DPP4: variants seen among roughly 807,000 people sequenced by gnomAD.
The protein encoded by DPP4 is ADCP-2.
DPP4 carries 93 observed loss-of-function variants against 122.4 expected under a neutral mutation model. The ratio of observed to expected loss-of-function variants is 0.76; its 90% CI spans 0.64 to 0.90. The LOEUF is 0.90. Among genes scored for constraint, DPP4 ranks in the 40% least tolerant of loss-of-function variants. The probability of loss-of-function intolerance (pLI) is 0.00; values close to 1 mark genes in which losing one functional copy is unlikely to be tolerated. For synonymous variants in DPP4, 321 were observed against 302.9 expected (o/e 1.06, Z -0.62); for missense variants, 914 against 907.3 (o/e 1.01, Z -0.09).
intron 5 of DPP4, 75 bp downstream of exon 5, chr2:162,045,457 T>C (rs1684138001): frequency 4.6e-6 from 5 of 1,077,772 alleles, no homozygotes; most frequent in Non-Finnish European, 7.1e-6. Context: ...TAAGTATCCA[T>C]ACACTTGAAA....
At chr2:161,994,739 G>T (rs1235925295) in intron 25 of DPP4, among the ~76,000 whole-genome samples, 2 of 152,120 alleles carry the variant, frequency 1.3e-5, no homozygotes, top group East Asian at 1.9e-4. Context: ...GATACTCCCA[G>T]CATATGCGAT....
chr2:162,013,630 G>A (rs1263043307), intron 19 of DPP4, among the ~76,000 whole-genome samples: 1 of 151,950 alleles, frequency 6.6e-6, no homozygotes. Context: ...TTTGTTGTGT[G>A]AATAAAATAA....
At chr2:162,011,731 A>T (rs1351922617) in intron 20 of DPP4, 62 bp downstream of exon 20, 1 of 1,519,582 alleles carries the variant, frequency 6.6e-7, no homozygotes, top group East Asian at 2.3e-5. Flanking sequence ...CAGCTTTAAA[A>T]TGTAAATTTT....
intron 2 of DPP4, among the ~76,000 whole-genome samples, chr2:162,061,213 TC>T (rs1684761215): frequency 6.6e-6 from 1 of 152,128 alleles, no homozygotes; most frequent in African/African-American, 2.4e-5. Context: ...AGCTGCATCT[TC>T]AGTTTCTTTC....
chr2:162,052,318 CAAAAAAAA>C (rs35326408), intron 2 of DPP4, among the ~76,000 whole-genome samples: 2 of 64,762 alleles, frequency 3.1e-5, no homozygotes, highest in African/African-American at 6.5e-5. Flanking sequence ...AACTCCATCT[CAAAAAAAA>C]AAAAAAAAAA....
At chr2:162,057,875 C>A (rs117407192) in intron 2 of DPP4, among the ~76,000 whole-genome samples, 4 of 152,112 alleles carry the variant, frequency 2.6e-5, no homozygotes, top group African/African-American at 9.7e-5. Context: ...CAGGTTCAAG[C>A]GATTTTTCTG....
intron 23 of DPP4, among the ~76,000 whole-genome samples, chr2:161,999,887 A>G (rs1198227395): frequency 6.6e-6 from 1 of 152,200 alleles, no homozygotes; most frequent in Non-Finnish European, 1.5e-5. Flanking sequence ...AATGATTTCA[A>G]TAACCCTGTG....
chr2:162,038,186 T>G (rs1683850283), intron 8 of DPP4, 116 bp downstream of exon 8: 1 of 1,034,666 alleles, frequency 9.7e-7, no homozygotes, highest in African/African-American at 1.7e-5. Context: ...CTGATGACAT[T>G]TTAAACAATG....
chr2:162,035,455 G>A, intron 8 of DPP4, 131 bp from the exon 9 acceptor site: 2 of 731,334 alleles, frequency 2.7e-6, no homozygotes, highest in Middle Eastern at 3.8e-4. Flanking sequence ...GCATTTGCTG[G>A]GCTTCCAAAA....
intron 12 of DPP4, among the ~76,000 whole-genome samples, chr2:162,022,133 A>C (rs1478318736): frequency 6.6e-6 from 1 of 152,188 alleles, no homozygotes; most frequent in Non-Finnish European, 1.5e-5. Context: ...TCAACTCATT[A>C]CATTCTATGG....
rs74604617 is a variant in DPP4, at chr2:162,066,162, T to C, written c.94+7237A>G. Among the ~76,000 whole-genome samples the C allele has an allele frequency of 8.6e-3, 1,305 of 152,220 alleles. 13 individuals are homozygous for C. Among genetic ancestry groups the C allele is most frequent in the African/African-American group, 0.03 (1,233 of 41,538 alleles). ...TCTTTACTTAAGCTATCTAGCCAGC[T>C]GTCCAAGGAGCCATCCTTACCTTCT... On this transcript the variant is annotated intron_variant, in intron 2 of 25. Coordinates refer to ENST00000360534, the MANE Select transcript of DPP4 (RefSeq NM_001935.4).
chr2:162,064,983 A>C (rs145121985), intron 2 of DPP4, among the ~76,000 whole-genome samples: 105 of 152,332 alleles, frequency 6.9e-4, no homozygotes, highest in African/African-American at 2.4e-3. Flanking sequence ...ATAACCAAAT[A>C]CACGATATGC....
intron 2 of DPP4, among the ~76,000 whole-genome samples, chr2:162,049,661 A>G (rs1576065100): frequency 6.6e-6 from 1 of 152,194 alleles, no homozygotes; most frequent in Admixed American, 6.5e-5. Flanking sequence ...GAAAGAAAAA[A>G]AACAGATAAG....
chr2:162,036,215 G>A (rs562732132), intron 8 of DPP4, among the ~76,000 whole-genome samples: 2 of 152,248 alleles, frequency 1.3e-5, no homozygotes, highest in South Asian at 4.1e-4. Context: ...CAAAAGCATA[G>A]AAACTAGAAT....
rs114897602 is a variant in DPP4 at position 162,030,996 on chromosome 2, G to A, written c.887+2545C>T. On this transcript the variant is annotated intron_variant, in intron 10 of 25. Transcript: ENST00000360534. The stretch of plus-strand genomic sequence containing the variant: ...CTTCACACAGCTGTGCCTTGGAAAC[G>A]GATCTGTAAGTGGGAAAGACTTCGT... 4.2e-3 allele frequency among the ~76,000 whole-genome samples: 634 copies of A among 152,300 alleles called. 3 individuals are homozygous for A. Among genetic ancestry groups the A allele is most frequent in the African/African-American group, 0.015 (609 of 41,562 alleles).
At chr2:162,021,038 T>TGG (rs1362165364) in intron 12 of DPP4, among the ~76,000 whole-genome samples, 2 of 152,222 alleles carry the variant, frequency 1.3e-5, no homozygotes, top group Non-Finnish European at 2.9e-5. Context: ...CCTTTCAGTT[T>TGG]GGAGCAGTAA....
Position 162,020,653 on chromosome 2 carries a change from A to G in DPP4, c.1104T>C (p.Gly368=). The change falls in exon 13 of 26, where the codon GGT becomes GGC. Residue 368 remains glycine, a synonymous_variant. Coordinates refer to ENST00000360534, the MANE Select transcript of DPP4 (RefSeq NM_001935.4). ...RPSEPHFTLD[G]NSFYKIISNE... Reference sequence around the variant, plus strand: ...TGCTGATGATCTTGTAGAAGCTATTACCATCAAGGGTAAAATGAGGTTCTG... The same window carrying G: ...TGCTGATGATCTTGTAGAAGCTATTGCCATCAAGGGTAAAATGAGGTTCTG... 6.2e-7 allele frequency: 1 copy of G among 1,612,674 alleles called. No homozygotes were observed. Among genetic ancestry groups the G allele is most frequent in the Non-Finnish European group, 8.5e-7 (1 of 1,179,610 alleles).
intron 2 of DPP4, among the ~76,000 whole-genome samples, chr2:162,057,715 T>G (rs954179930): frequency 6.6e-6 from 1 of 152,192 alleles, no homozygotes; most frequent in Admixed American, 6.5e-5. Flanking sequence ...GAGTTTCTCT[T>G]TTGCTCTTTT....
chr2:162,013,244 A>C (rs1319067737), intron 19 of DPP4, among the ~76,000 whole-genome samples: 1 of 152,160 alleles, frequency 6.6e-6, no homozygotes, highest in Non-Finnish European at 1.5e-5. Context: ...TGGAGATCAA[A>C]TCGTTACTTA....
Sources: gnomAD v4.1 joint callset for allele counts (sites outside exome capture counted in the v4.1 genomes callset) on GRCh38, gnomAD v4.1.1 for gene constraint, MANE v1.5 for transcripts, NCBI Gene and HGNC (gene_info 2026-07-23, HGNC 2026-07-21) for gene names.